Variants in SLC16A12 observed in about 807,000 individuals in gnomAD.
The protein encoded by SLC16A12 is solute carrier family 16 member 12, also known as monocarboxylate transporter 12.
SLC16A12 carries 17 observed loss-of-function variants against 42.4 expected under a neutral mutation model. The ratio of observed to expected loss-of-function variants is 0.40; its 90% CI spans 0.27 to 0.60. SLC16A12 has a LOEUF of 0.60. Among genes scored for constraint, SLC16A12 ranks in the 20% least tolerant of loss-of-function variants. The pLI, the probability that SLC16A12 is intolerant of heterozygous loss-of-function variation, is 0.42. For missense variants in SLC16A12, 544 were observed against 623.0 expected (o/e 0.87, Z 1.35); for synonymous variants, 224 against 229.4 (o/e 0.98, Z 0.21).
rs74146962 is a variant in SLC16A12 at position 89,529,252 on chromosome 10, T to C, written c.-47+5249A>G. The stretch of plus-strand genomic sequence containing the variant: ...GTAGATAAATATGAACTCACTCCCA[T>C]GGAAAGTATTCCATCAAGCAAAGTG... On this transcript the variant is annotated intron_variant, in intron 2 of 7. Coordinates refer to ENST00000371790, the MANE Select transcript of SLC16A12 (RefSeq NM_213606.4). Among the ~76,000 whole-genome samples the C allele has an allele frequency of 9.9e-3, 1,508 of 152,238 alleles. 32 individuals carry two copies. The highest frequency in any genetic ancestry group is 0.035 in the African/African-American group (1,451 of 41,524).
chr10:89,481,426 G>A (rs1210237377), intron 2 of SLC16A12, among the ~76,000 whole-genome samples: 1 of 151,808 alleles, frequency 6.6e-6, no homozygotes, highest in African/African-American at 2.4e-5. Flanking sequence ...TATATGTTTA[G>A]GTTTGCTCTC....
In SLC16A12 at chr10:89,433,289, T is replaced by G. The variant is rs1334353766; in HGVS notation, c.1326A>C (p.Ala442=). 6.2e-7 allele frequency: 1 copy of G among 1,614,176 alleles called. No homozygotes were observed. Among genetic ancestry groups the G allele is most frequent in the East Asian group, 2.2e-5 (1 of 44,886 alleles). The change falls in exon 8 of 8, where the codon GCA becomes GCC. Residue 442 remains alanine, a synonymous_variant. Coordinates refer to ENST00000371790, the MANE Select transcript of SLC16A12 (RefSeq NM_213606.4). ...TCATTGAAAATCCACAGAGGAGGAA[T>G]GCTGCAGTGTAGCTGCCGGTGGTAT... ...LVDTTGSYTA[A]FLLCGFSMIF...
intron 2 of SLC16A12, among the ~76,000 whole-genome samples, chr10:89,543,991 T>C (rs776928568): frequency 3.3e-5 from 5 of 152,244 alleles, no homozygotes; most frequent in Admixed American, 6.5e-5. Context: ...CCATTCCCAC[T>C]ATGTCCACAG....
chr10:89,435,576 C>T (rs971428411), intron 7 of SLC16A12, among the ~76,000 whole-genome samples: 1 of 152,194 alleles, frequency 6.6e-6, no homozygotes, highest in Non-Finnish European at 1.5e-5. Flanking sequence ...ACCATATTAT[C>T]CTTTTACATA....
chr10:89,479,742 A>G (rs1842634999), intron 2 of SLC16A12, among the ~76,000 whole-genome samples: 1 of 152,174 alleles, frequency 6.6e-6, no homozygotes. Flanking sequence ...AATGTTAGCT[A>G]TTACTACTAT....
intron 3 of SLC16A12, among the ~76,000 whole-genome samples, chr10:89,450,776 G>A (rs868066719): frequency 6.6e-6 from 1 of 151,996 alleles, no homozygotes; most frequent in Non-Finnish European, 1.5e-5. Context: ...AAAATTTCCT[G>A]AAAGCTTATA....
Position 89,433,196 on chromosome 10 carries a change from G to T in SLC16A12, c.1419C>A (p.Phe473Leu), listed in dbSNP as rs111706296. The T allele has an allele frequency of 1.3e-5, 21 of 1,614,166 alleles. No homozygotes were observed. The highest frequency in any genetic ancestry group is 1.1e-4 in the African/African-American group (8 of 75,042). ...IKRMRKTQLQFIAKESDPKLQ... is the reference protein window; with the variant it reads ...IKRMRKTQLQLIAKESDPKLQ... Reference sequence around the variant, plus strand: ...GCTTAGGATCAGATTCTTTGGCAATGAACTGCAACTGGGTTTTTCTCATTC... The same window carrying T: ...GCTTAGGATCAGATTCTTTGGCAATTAACTGCAACTGGGTTTTTCTCATTC... The change falls in exon 8 of 8, where the codon TTC (phenylalanine) becomes TTA (leucine). Residue 473 changes from phenylalanine (F) to leucine (L), a missense_variant. Transcript: ENST00000371790.
chr10:89,529,914 A>G (rs1843516772), intron 2 of SLC16A12, among the ~76,000 whole-genome samples: 1 of 152,202 alleles, frequency 6.6e-6, no homozygotes, highest in African/African-American at 2.4e-5. Flanking sequence ...ATTTCTCTCT[A>G]GATACAGAAA....
At chr10:89,497,417 G>A (rs1270215861) in intron 2 of SLC16A12, among the ~76,000 whole-genome samples, 4 of 152,130 alleles carry the variant, frequency 2.6e-5, no homozygotes, top group Non-Finnish European at 4.4e-5. Context: ...TTTTAAAACT[G>A]AACTAGTGTG....
At chr10:89,551,849 A>G (rs1443785444) in intron 2 of SLC16A12, among the ~76,000 whole-genome samples, 1 of 152,226 alleles carries the variant, frequency 6.6e-6, no homozygotes, top group Non-Finnish European at 1.5e-5. Context: ...TCTCAGTCTC[A>G]GGTATGTCTT....
Position 89,478,731 on chromosome 10 carries a change from C to T in SLC16A12, c.-46-16107G>A, listed in dbSNP as rs189697864. ...TCCGATCTTTCTCCCAAGTTACAGACTCAAATTTCCAATAGTCTGCAGGGT... is the reference window on the plus strand; with the variant it reads ...TCCGATCTTTCTCCCAAGTTACAGATTCAAATTTCCAATAGTCTGCAGGGT... On this transcript the variant is annotated intron_variant, in intron 2 of 7. Coordinates refer to ENST00000371790, the MANE Select transcript of SLC16A12 (RefSeq NM_213606.4). 1.5e-3 allele frequency among the ~76,000 whole-genome samples: 230 copies of T among 152,336 alleles called. 2 individuals are homozygous for T. The highest frequency in any genetic ancestry group is 5.4e-3 in the African/African-American group (224 of 41,580).
chr10:89,438,779 C>T lies in SLC16A12; in HGVS notation c.853G>A (p.Val285Met), dbSNP rs1246551464. 1.2e-6 allele frequency: 2 copies of T among 1,614,188 alleles called. No homozygotes were observed. The highest frequency in any genetic ancestry group is 4.5e-5 in the East Asian group (2 of 44,880). ...YSFLLMSDFV[V>M]LAVSVLFMAY... is the part of the protein sequence containing the mutation. ...ATAAACAGAACGGAGACGGCTAACA[C>T]AACAAAGTCTGACATGAGTAAAAAA... The change falls in exon 6 of 8, where the codon GTG (valine) becomes ATG (methionine). Residue 285 changes from valine to methionine, a missense_variant. By Grantham distance (21) the Val-to-Met change is conservative. Coordinates refer to ENST00000371790, the MANE Select transcript of SLC16A12 (RefSeq NM_213606.4).
At chr10:89,452,396 C>G (rs1211554385) in intron 3 of SLC16A12, among the ~76,000 whole-genome samples, 4 of 152,146 alleles carry the variant, frequency 2.6e-5, no homozygotes, top group Non-Finnish European at 4.4e-5. Flanking sequence ...TTAAAGCTGA[C>G]ATTGCATAAC....
Position 89,430,561 on chromosome 10 carries a change from TCA to T in SLC16A12, c.*2501_*2502del. The T allele has an allele frequency of 2.4e-6, 1 of 422,482 alleles. No individual in the cohort carries two copies. The highest frequency in any genetic ancestry group is 4.7e-6 in the Non-Finnish European group (1 of 214,332). 26.2% of individuals were successfully genotyped at this position (422,482 alleles called of 1,614,324 possible). A position where few individuals can be genotyped will look rare whatever the true frequency, so the allele number is the denominator to read the frequency against. On this transcript the variant is annotated 3_prime_UTR_variant, in exon 8 of 8. Coordinates refer to ENST00000371790, the MANE Select transcript of SLC16A12 (RefSeq NM_213606.4). The stretch of plus-strand genomic sequence containing the variant: ...AAAATACATCATTCCCATGAATTTC[TCA>T]GTTTTGAAATAAACAGTATAGACAC...
intron 1 of SLC16A12, among the ~76,000 whole-genome samples, chr10:89,534,927 T>C (rs1843627579): frequency 6.6e-6 from 1 of 152,004 alleles, no homozygotes. Context: ...GCTTCAAAAT[T>C]TTGTTACGAA....
intron 2 of SLC16A12, among the ~76,000 whole-genome samples, chr10:89,489,560 T>C (rs1475466841): frequency 6.6e-6 from 1 of 152,046 alleles, no homozygotes; most frequent in African/African-American, 2.4e-5. Context: ...CAGGCTGGTG[T>C]TCAACGTCTG....
intron 2 of SLC16A12, among the ~76,000 whole-genome samples, chr10:89,481,716 A>T (rs1302750697): frequency 2.0e-5 from 3 of 151,534 alleles, no homozygotes; most frequent in African/African-American, 7.3e-5. Flanking sequence ...AAACAAAAAA[A>T]AATGTATTCC....
intron 2 of SLC16A12, among the ~76,000 whole-genome samples, chr10:89,518,113 A>T (rs1843285401): frequency 6.6e-6 from 1 of 152,194 alleles, no homozygotes; most frequent in Non-Finnish European, 1.5e-5. Context: ...GCACCAATAA[A>T]TGCAGGCACA....
At chr10:89,456,862 C>A (rs1842200554) in intron 3 of SLC16A12, among the ~76,000 whole-genome samples, 1 of 152,084 alleles carries the variant, frequency 6.6e-6, no homozygotes, top group Non-Finnish European at 1.5e-5. Context: ...CCATTCATGT[C>A]CCTGCAAAGG....
Sources: gnomAD v4.1 joint callset for allele counts (sites outside exome capture counted in the v4.1 genomes callset) on GRCh38, gnomAD v4.1.1 for gene constraint, MANE v1.5 for transcripts, NCBI Gene and HGNC (gene_info 2026-07-23, HGNC 2026-07-21) for gene names.